Variants in FSTL4 observed in about 807,000 individuals in gnomAD.
FSTL4 encodes the protein follistatin like 4.
A neutral mutation model predicts 78.2 loss-of-function variants in FSTL4; 28 were observed. The observed-to-expected ratio is 0.36, with a 90% CI of 0.27 to 0.49. The LOEUF is 0.49. Among genes scored for constraint, FSTL4 ranks in the 20% least tolerant of loss-of-function variants. The pLI is 0.98. For missense variants in FSTL4, 922 were observed against 1,084.9 expected (o/e 0.85, Z 2.11); for synonymous variants, 422 against 440.5 (o/e 0.96, Z 0.53).
At chr5:133,689,019 A>T in the FSTL4 span, among the ~76,000 whole-genome samples, 1 of 151,176 alleles carries the variant, frequency 6.6e-6, no homozygotes, top group Non-Finnish European at 1.5e-5. Flanking sequence ...CGTCGCTAAG[A>T]CTCTGGTGTC....
intron 6 of FSTL4, among the ~76,000 whole-genome samples, chr5:133,303,291 C>A (rs529353195): frequency 6.6e-6 from 1 of 152,310 alleles, no homozygotes; most frequent in Non-Finnish European, 1.5e-5. Flanking sequence ...TCAGGAAGGG[C>A]CACGATAAGT....
chr5:133,526,039 G>A (rs189033411), intron 3 of FSTL4, among the ~76,000 whole-genome samples: 6 of 152,278 alleles, frequency 3.9e-5, no homozygotes, highest in East Asian at 1.9e-4. Flanking sequence ...CACCTCTCAC[G>A]GGACACACAC....
At chr5:133,714,856 A>G in the FSTL4 span, among the ~76,000 whole-genome samples, 1 of 152,240 alleles carries the variant, frequency 6.6e-6, no homozygotes, top group East Asian at 1.9e-4. Flanking sequence ...ATAACCGGCA[A>G]GGAGGCTGGT....
rs34838954 is a variant in FSTL4 at position 133,467,257 on chromosome 5, AGTGT to A, written c.161-66275_161-66272del. Reference sequence around the variant, plus strand: ...GCATGTGTGAGAATGAGTATATGTGAGTGTGTGTGTGTGTGTGTGTGTGTGAGTG... The same window carrying A: ...GCATGTGTGAGAATGAGTATATGTGAGTGTGTGTGTGTGTGTGTGTGAGTG... On this transcript the variant is annotated intron_variant, in intron 3 of 15. Coordinates refer to ENST00000265342, the MANE Select transcript of FSTL4 (RefSeq NM_015082.2). Among the ~76,000 whole-genome samples the A allele has an allele frequency of 3.3e-3, 456 of 139,240 alleles. 2 individuals are homozygous for A. Among genetic ancestry groups the A allele is most frequent in the South Asian group, 7.2e-3 (31 of 4,276 alleles). 91.3% of individuals were successfully genotyped at this position (139,240 alleles called of 152,430 possible). A position where few individuals can be genotyped will look rare whatever the true frequency, so the allele number is the denominator to read the frequency against.
intron 3 of FSTL4, among the ~76,000 whole-genome samples, chr5:133,446,454 C>T (rs751176925): frequency 2.6e-5 from 4 of 152,158 alleles, no homozygotes; most frequent in African/African-American, 4.8e-5. Context: ...CAACCCCTCA[C>T]GCTCTCGTCC....
At chr5:133,678,775 T>C in the FSTL4 span, among the ~76,000 whole-genome samples, 1 of 151,980 alleles carries the variant, frequency 6.6e-6, no homozygotes, top group Non-Finnish European at 1.5e-5. Flanking sequence ...TAAGATTACC[T>C]AGGGAAGGGA....
At chr5:133,726,152 A>T in the FSTL4 span, among the ~76,000 whole-genome samples, 1 of 152,202 alleles carries the variant, frequency 6.6e-6, no homozygotes, top group Non-Finnish European at 1.5e-5. Context: ...CATATGAGCA[A>T]GTCAGTGTCC....
chr5:133,491,401 CTTTT>C (rs754185647), intron 3 of FSTL4, among the ~76,000 whole-genome samples: 2 of 137,900 alleles, frequency 1.5e-5, no homozygotes, highest in Non-Finnish European at 1.6e-5. Flanking sequence ...ACAATTTTTT[CTTTT>C]TTTTTTTTTT....
intron 1 of FSTL4, among the ~76,000 whole-genome samples, chr5:133,605,826 A>G (rs1482068205): frequency 6.6e-6 from 1 of 152,150 alleles, no homozygotes; most frequent in Non-Finnish European, 1.5e-5. Flanking sequence ...CTACCAGGAA[A>G]AGAGTCTGGG....
At chr5:133,744,030 G>A in the FSTL4 span, among the ~76,000 whole-genome samples, 2 of 152,364 alleles carry the variant, frequency 1.3e-5, no homozygotes, top group South Asian at 4.1e-4. Context: ...ATCTAGGAAA[G>A]AAACTGTCTT....
intron 7 of FSTL4, chr5:133,244,175 G>A (rs1488465242): frequency 6.6e-6 from 1 of 152,368 alleles, no homozygotes; most frequent in Admixed American, 6.5e-5. Context: ...GAGTCCCCAG[G>A]AGACAGGGGC....
chr5:133,768,250 G>A, the FSTL4 span, among the ~76,000 whole-genome samples: 1 of 152,184 alleles, frequency 6.6e-6, no homozygotes, highest in East Asian at 1.9e-4. Context: ...CATTCAGGAT[G>A]ATGGATGTTG....
intron 1 of FSTL4, among the ~76,000 whole-genome samples, chr5:133,607,297 G>C (rs1760998034): frequency 1.3e-5 from 2 of 152,148 alleles, no homozygotes; most frequent in Non-Finnish European, 2.9e-5. Context: ...TTCATAAAAA[G>C]GAATTAATAT....
At chr5:133,273,468 C>G (rs974774276) in intron 6 of FSTL4, among the ~76,000 whole-genome samples, 8 of 152,180 alleles carry the variant, frequency 5.3e-5, no homozygotes, top group Admixed American at 5.2e-4. Flanking sequence ...TGGCCTGTGG[C>G]TGTGGCTTAC....
chr5:133,217,455 A>G, intron 12 of FSTL4, 77 bp from the exon 13 acceptor site: 1 of 1,364,784 alleles, frequency 7.3e-7, no homozygotes, highest in Non-Finnish European at 1.0e-6. Flanking sequence ...CTCTCCCCTG[A>G]CCCTCCTCTG....
chr5:133,597,875 C>T (rs925531361), intron 2 of FSTL4, among the ~76,000 whole-genome samples: 7 of 152,118 alleles, frequency 4.6e-5, no homozygotes, highest in African/African-American at 7.2e-5. Flanking sequence ...GAAGTGAGTG[C>T]GCTGTTGGTC....
intron 3 of FSTL4, among the ~76,000 whole-genome samples, chr5:133,545,345 G>A (rs1217104474): frequency 6.6e-6 from 1 of 152,194 alleles, no homozygotes; most frequent in Non-Finnish European, 1.5e-5. Context: ...TCTCGAGGAA[G>A]TGAGTGAGTC....
the FSTL4 span, among the ~76,000 whole-genome samples, chr5:133,796,455 C>T: frequency 7.2e-5 from 11 of 152,248 alleles, 2 homozygotes; most frequent in Admixed American, 6.5e-5. Context: ...CACACAGACT[C>T]GAAGGATGAA....
At chr5:133,786,622 G>C in the FSTL4 span, among the ~76,000 whole-genome samples, 2 of 152,204 alleles carry the variant, frequency 1.3e-5, no homozygotes, top group East Asian at 3.8e-4. Context: ...CCAGGGGAGA[G>C]GGATGCAGGG....
Sources: gnomAD v4.1 joint callset for allele counts (sites outside exome capture counted in the v4.1 genomes callset) on GRCh38, gnomAD v4.1.1 for gene constraint, MANE v1.5 for transcripts, NCBI Gene and HGNC (gene_info 2026-07-23, HGNC 2026-07-21) for gene names.